ARSF: variants seen among roughly 807,000 people sequenced by gnomAD.
The protein encoded by ARSF is arylsulfatase F.
ARSF carries 33 observed loss-of-function variants against 35.4 expected under a neutral mutation model. The ratio of observed to expected loss-of-function variants is 0.93; its 90% CI spans 0.71 to 1.25. ARSF has a LOEUF of 1.25. ARSF is among the 50% of genes most tolerant of loss of function. ARSF has a pLI of 0.00. For synonymous variants in ARSF, 222 were observed against 193.1 expected (o/e 1.15, Z -1.24); for missense variants, 501 against 480.2 (o/e 1.04, Z -0.40).
intron 7 of ARSF, among the ~76,000 whole-genome samples, chrX:3,095,141 C>T (rs1214481235): frequency 9.2e-6 from 1 of 108,151 alleles, no homozygotes; most frequent in Non-Finnish European, 1.9e-5. Context: ...GAGCAAAATC[C>T]TGTCTCAGAA....
At chrX:3,077,875 C>T (rs908143572) in intron 4 of ARSF, among the ~76,000 whole-genome samples, 1 of 103,185 alleles carries the variant, frequency 9.7e-6, no homozygotes, top group Non-Finnish European at 2.0e-5. Flanking sequence ...GCAATCTCGG[C>T]TCATTGCAAC....
intron 1 of ARSF, among the ~76,000 whole-genome samples, chrX:3,047,246 T>A (rs1478903322): frequency 9.1e-6 from 1 of 110,226 alleles, no homozygotes; most frequent in Non-Finnish European, 1.9e-5. Flanking sequence ...TGGCATGATC[T>A]CAGCTCATCG....
At chrX:3,075,398 GTC>G (rs779186980) in intron 3 of ARSF, among the ~76,000 whole-genome samples, 1 of 109,981 alleles carries the variant, frequency 9.1e-6, no homozygotes, top group Non-Finnish European at 1.9e-5. Context: ...AGATCTCTCT[GTC>G]TCTCTCTCTG....
intron 7 of ARSF, among the ~76,000 whole-genome samples, chrX:3,094,284 C>T (rs747768378): frequency 5.7e-4 from 64 of 111,999 alleles, no homozygotes; most frequent in Middle Eastern, 4.6e-3. Context: ...AGCTCAGCTA[C>T]CTCTTATGCA....
rs867616452 is a variant in ARSF, at chrX:3,101,154, T to A, written c.1035T>A (p.Asp345Glu). The A allele has an allele frequency of 3.3e-6, 4 of 1,211,168 alleles. No homozygotes were observed. Among genetic ancestry groups the A allele is most frequent in the Middle Eastern group, 4.6e-4 (2 of 4,351 alleles). Residue 345 changes from aspartate (D) to glutamate (E), a missense_variant, in exon 8 of 11, where the codon GAT becomes GAA. Physicochemically the swap from Asp to Glu is conservative, Grantham distance 45. Coordinates refer to ENST00000381127, the MANE Select transcript of ARSF (RefSeq NM_001201539.2). ...RNNTLVYFTS[D>E]HGGHLEARRG... Reference sequence around the variant, plus strand: ...ACACCCTTGTCTACTTTACATCAGATCACGGAGGGCATTTGGAAGCTAGGC... The same window carrying A: ...ACACCCTTGTCTACTTTACATCAGAACACGGAGGGCATTTGGAAGCTAGGC...
At chrX:3,104,962 C>G (rs2090403092) in intron 9 of ARSF, among the ~76,000 whole-genome samples, 1 of 111,628 alleles carries the variant, frequency 9.0e-6, no homozygotes, top group African/African-American at 3.3e-5. Flanking sequence ...CTTTGAATTT[C>G]TTCAAGAGGA....
intron 7 of ARSF, among the ~76,000 whole-genome samples, chrX:3,094,881 ATTAT>A (rs1288047172): frequency 1.8e-5 from 2 of 109,242 alleles, no homozygotes; most frequent in East Asian, 2.8e-4. Context: ...ATATATTTAT[ATTAT>A]TTGTTATACA....
intron 8 of ARSF, 28 bp downstream of exon 8, chrX:3,101,249 C>T: frequency 7.5e-6 from 9 of 1,195,128 alleles, no homozygotes; most frequent in Non-Finnish European, 1.0e-5. Flanking sequence ...TGCAAGTGAT[C>T]TGGTGGTGAA....
chrX:3,043,039 C>A (rs1485719711), intron 1 of ARSF, among the ~76,000 whole-genome samples: 3 of 109,751 alleles, frequency 2.7e-5, no homozygotes, highest in Admixed American at 9.8e-5. Context: ...CCTGTAATCC[C>A]AGCTACTCAG....
At chrX:3,047,750 T>C (rs2089981244) in intron 1 of ARSF, among the ~76,000 whole-genome samples, 1 of 110,160 alleles carries the variant, frequency 9.1e-6, no homozygotes, top group Non-Finnish European at 1.9e-5. Flanking sequence ...ATGCAAGCCA[T>C]GTGGGATTGG....
Position 3,076,583 on chromosome X carries a change from T to C in ARSF, c.197T>C (p.Val66Ala). Reference sequence around the variant, plus strand: ...ATCGACCGCCTTGCCAGGGAAGGCGTGCGACTGACTCAGCACATCTCTGCC... The same window carrying C: ...ATCGACCGCCTTGCCAGGGAAGGCGCGCGACTGACTCAGCACATCTCTGCC... ...PHIDRLAREG[V>A]RLTQHISAAS... Residue 66 changes from valine to alanine, a missense_variant, in exon 4 of 11, where the codon GTG (valine) becomes GCG (alanine). Coordinates refer to ENST00000381127, the MANE Select transcript of ARSF (RefSeq NM_001201539.2). 1.7e-6 allele frequency: 2 copies of C among 1,209,519 alleles called. No homozygotes were observed. Among genetic ancestry groups the C allele is most frequent in the Non-Finnish European group, 2.2e-6 (2 of 894,675 alleles).
intron 1 of ARSF, among the ~76,000 whole-genome samples, chrX:3,060,521 T>C (rs778464405): frequency 9.0e-6 from 1 of 111,631 alleles, no homozygotes; most frequent in South Asian, 3.8e-4. Context: ...TTCTCCGAGC[T>C]AAAGGAAATG....
chrX:3,081,629 A>C (rs1196043589), intron 5 of ARSF, among the ~76,000 whole-genome samples: 1 of 111,635 alleles, frequency 9.0e-6, no homozygotes, highest in African/African-American at 3.3e-5. Context: ...GAGCCACCAC[A>C]CCTAGTCTGA....
chrX:3,094,428 G>T (rs774437365), intron 7 of ARSF, among the ~76,000 whole-genome samples: 46 of 112,041 alleles, frequency 4.1e-4, no homozygotes, highest in Non-Finnish European at 7.1e-4. Context: ...CCCCCAACCT[G>T]GCTTCCTGCT....
intron 9 of ARSF, among the ~76,000 whole-genome samples, chrX:3,107,298 G>T (rs2090417372): frequency 9.0e-6 from 1 of 111,300 alleles, no homozygotes; most frequent in African/African-American, 3.3e-5. Context: ...TGATAGATTA[G>T]TCATTATCAA....
intron 4 of ARSF, among the ~76,000 whole-genome samples, chrX:3,079,602 C>T (rs1224804258): frequency 9.1e-6 from 1 of 109,512 alleles, no homozygotes; most frequent in Non-Finnish European, 1.9e-5. Context: ...CCTTGTCCTC[C>T]CAAAGTGCTG....
chrX:3,108,232 G>A (rs1323802772), intron 9 of ARSF, among the ~76,000 whole-genome samples: 2 of 111,955 alleles, frequency 1.8e-5, no homozygotes. Context: ...GAGTTATGTA[G>A]TGAGTCTTCA....
intron 1 of ARSF, among the ~76,000 whole-genome samples, chrX:3,051,761 A>G (rs2089997899): frequency 8.9e-6 from 1 of 111,768 alleles, no homozygotes; most frequent in African/African-American, 3.3e-5. Context: ...TGAGAGCCCA[A>G]GGCCAAGGAT....
chrX:3,080,242 A>G (rs1031524244), intron 4 of ARSF, among the ~76,000 whole-genome samples: 4 of 76,949 alleles, frequency 5.2e-5, no homozygotes, highest in African/African-American at 1.9e-4. Context: ...TTGGGAGGCC[A>G]AGGCGGGCAG....
Sources: gnomAD v4.1 joint callset for allele counts (sites outside exome capture counted in the v4.1 genomes callset) on GRCh38, gnomAD v4.1.1 for gene constraint, MANE v1.5 for transcripts, NCBI Gene and HGNC (gene_info 2026-07-23, HGNC 2026-07-21) for gene names.